The following AK9 variants were observed in gnomAD, a reference collection of about 807,000 sequenced individuals.
The protein encoded by AK9 is adenylate kinase domain containing 1.
In AK9, 191 loss-of-function variants were observed where a neutral mutation model predicts 239.6. The ratio of observed to expected loss-of-function variants is 0.80; its 90% CI spans 0.71 to 0.90. The LOEUF is 0.90. Among genes scored for constraint, AK9 ranks in the 40% least tolerant of loss-of-function variants. The pLI is 0.00. For missense variants in AK9, 1,995 were observed against 2,214.7 expected (o/e 0.90, Z 1.99); for synonymous variants, 689 against 721.0 (o/e 0.96, Z 0.71).
intron 38 of AK9, among the ~76,000 whole-genome samples, chr6:109,496,923 T>C (rs566825816): frequency 4.6e-5 from 7 of 152,194 alleles, no homozygotes; most frequent in African/African-American, 1.7e-4. Flanking sequence ...GGACACAAAC[T>C]GTGTACACAG....
At chr6:109,607,306 G>A (rs1583230711) in intron 17 of AK9, among the ~76,000 whole-genome samples, 2 of 152,282 alleles carry the variant, frequency 1.3e-5, no homozygotes, top group Middle Eastern at 6.8e-3. Flanking sequence ...ATTATAGTCA[G>A]TCTTCTGTAT....
Position 109,614,181 on chromosome 6 carries a change from A to C in AK9, c.1609+2T>G. ...CGTGGGATTAGCAGTTCACTTTGTT[A>C]CCATCTTTATCAACTTTAGCAGCTT... On this transcript the variant is annotated splice_donor_variant, in intron 15 of 40. Transcript: ENST00000424296. LOFTEE classifies it high-confidence loss of function. 6.5e-7 allele frequency: 1 copy of C among 1,549,530 alleles called. No homozygotes were observed. The highest frequency in any genetic ancestry group is 8.7e-7 in the Non-Finnish European group (1 of 1,145,150).
rs1469033432 is a variant in AK9, at chr6:109,542,143, T to G, written c.3254A>C (p.Glu1085Ala). 6.2e-7 allele frequency: 1 copy of G among 1,601,918 alleles called. No individual in the cohort carries two copies. The highest frequency in any genetic ancestry group is 1.1e-5 in the South Asian group (1 of 88,124). ...CATTAGACTTGATTTGATTACTTCT[T>G]CTTCTTCTGTAAGTTGTACTTCTGG... ...QLPEVQLTEE[E>A]EVIKSSLMEN... is the part of the protein sequence containing the mutation. The change falls in exon 27 of 41, where the codon GAA becomes GCA. Residue 1085 changes from glutamate to alanine, a missense_variant. Physicochemically the swap from Glu to Ala is moderately radical, Grantham distance 107. This residue lies in a region of AK9 where 1,290 missense variants were observed against 1,392.7 expected (regional missense o/e 0.93). Coordinates refer to ENST00000424296, the MANE Select transcript of AK9 (RefSeq NM_001145128.3).
chr6:109,646,661 C>T (rs544213260), intron 8 of AK9, among the ~76,000 whole-genome samples: 2 of 152,328 alleles, frequency 1.3e-5, no homozygotes, highest in East Asian at 3.9e-4. Context: ...TTGGAAAACA[C>T]TCTTCAGGAT....
At position 109,493,478 on chromosome 6, in the gene AK9, C is replaced by G. The variant is rs1776730756; in HGVS notation, c.5627G>C (p.Gly1876Ala). ...CTTGTATTTTCTGGTCATCTTGGCA[C>G]CCAAGTATGTTATGAGTTCACAACT... The part of the protein sequence containing the change: ...MESCELITYL[G>A]AKMTRKYKEP... The change falls in exon 41 of 41, where the codon GGT (glycine) becomes GCT (alanine). Residue 1876 changes from glycine to alanine, a missense_variant. Physicochemically the swap from Gly to Ala is moderately conservative, Grantham distance 60. Around this residue, in one of 5 missense-constraint regions of AK9, gnomAD observed 391 missense variants for 456.0 expected, o/e 0.86. Transcript: ENST00000424296. The G allele has an allele frequency of 6.2e-7, 1 of 1,614,114 alleles. No individual in the cohort carries two copies. Among genetic ancestry groups the G allele is most frequent in the South Asian group, 1.1e-5 (1 of 91,086 alleles).
intron 35 of AK9, among the ~76,000 whole-genome samples, chr6:109,505,925 T>C (rs894007562): frequency 6.6e-6 from 1 of 152,142 alleles, no homozygotes; most frequent in African/African-American, 2.4e-5. Flanking sequence ...GCAAATCTGG[T>C]ATCTGGAGAG....
chr6:109,612,210 T>A (rs1176752586), intron 15 of AK9, 117 bp from the exon 16 acceptor site: 1 of 606,422 alleles, frequency 1.6e-6, no homozygotes, highest in East Asian at 3.0e-5. Context: ...CAATTTTTAA[T>A]TAAAATAACA....
At chr6:109,529,347 G>A (rs556483815) in intron 28 of AK9, among the ~76,000 whole-genome samples, 4 of 151,990 alleles carry the variant, frequency 2.6e-5, no homozygotes, top group South Asian at 2.1e-4. Context: ...AAAATTTATC[G>A]CTCATTTGTT....
At position 109,614,284 on chromosome 6, in the gene AK9, C is replaced by G; in HGVS notation, c.1508G>C (p.Gly503Ala). The G allele has an allele frequency of 6.4e-7, 1 of 1,551,316 alleles. No homozygotes were observed. The highest frequency in any genetic ancestry group is 1.2e-5 in the South Asian group (1 of 84,048). The change falls in exon 15 of 41, where the codon GGC (glycine) becomes GCC (alanine). Residue 503 changes from glycine (G) to alanine (A), a missense_variant. Coordinates refer to ENST00000424296, the MANE Select transcript of AK9 (RefSeq NM_001145128.3). ...AGAGCTGCCTCTGTCCCTTTGGGAGCCTTGAATGTACCCTGCAATGAAAGA... is the reference window on the plus strand; with the variant it reads ...AGAGCTGCCTCTGTCCCTTTGGGAGGCTTGAATGTACCCTGCAATGAAAGA... The part of the protein sequence containing the change: ...SSIDEEGYIQ[G>A]SQRDRGSSLV...
intron 10 of AK9, 58 bp downstream of exon 10, chr6:109,641,460 C>T (rs1583382032): frequency 7.1e-7 from 1 of 1,405,152 alleles, no homozygotes. Flanking sequence ...TGAGCCACTG[C>T]ACCCTGCCCA....
chr6:109,580,099 G>A (rs1409531993), intron 19 of AK9, among the ~76,000 whole-genome samples: 1 of 151,948 alleles, frequency 6.6e-6, no homozygotes, highest in African/African-American at 2.4e-5. Context: ...GCATATAAGT[G>A]TTTTAAGTTT....
intron 1 of AK9, among the ~76,000 whole-genome samples, chr6:109,678,142 C>CA (rs1772033560): frequency 6.6e-6 from 1 of 152,102 alleles, no homozygotes; most frequent in African/African-American, 2.4e-5. Context: ...TCAAAATAGT[C>CA]AAAAGCTGAA....
In AK9 at chr6:109,615,966, C is replaced by T. The variant is rs1214872424; in HGVS notation, c.1400-1486G>A. ...ATAAGAATAATGAAACTAGGCACAG[C>T]GGCTCATGCCTGTAATCGCAGCACT... is the stretch of plus-strand genomic sequence containing the variant. On this transcript the variant is annotated intron_variant, in intron 13 of 40. Coordinates refer to ENST00000424296, the MANE Select transcript of AK9 (RefSeq NM_001145128.3). 5.3e-5 allele frequency among the ~76,000 whole-genome samples: 8 copies of T among 151,784 alleles called. No individual in the cohort carries two copies. In the South Asian group the frequency reaches 6.2e-4, roughly 12 times the overall value.
At chr6:109,608,153 C>T (rs1247344916) in intron 17 of AK9, among the ~76,000 whole-genome samples, 3 of 151,928 alleles carry the variant, frequency 2.0e-5, no homozygotes, top group African/African-American at 7.3e-5. Flanking sequence ...GTGGCATACA[C>T]CTGCAGTCCC....
chr6:109,620,513 G>C (rs1346719345), intron 12 of AK9, among the ~76,000 whole-genome samples: 1 of 151,956 alleles, frequency 6.6e-6, no homozygotes, highest in African/African-American at 2.4e-5. Context: ...GATATAACTT[G>C]TCAGGTAGAT....
intron 27 of AK9, among the ~76,000 whole-genome samples, chr6:109,538,143 C>G (rs1582900015): frequency 6.6e-6 from 1 of 151,370 alleles, no homozygotes; most frequent in African/African-American, 2.4e-5. Context: ...GAGCTGAGTT[C>G]AATTCCTGGA....
At chr6:109,571,419 T>C (rs1328889611) in intron 21 of AK9, among the ~76,000 whole-genome samples, 2 of 152,170 alleles carry the variant, frequency 1.3e-5, no homozygotes, top group Non-Finnish European at 2.9e-5. Context: ...TGTAGGACTT[T>C]AAAAATGTCC....
intron 17 of AK9, among the ~76,000 whole-genome samples, chr6:109,603,285 C>G (rs1583213065): frequency 6.6e-6 from 1 of 152,176 alleles, no homozygotes; most frequent in Non-Finnish European, 1.5e-5. Context: ...AGTTTTCCTT[C>G]TAACAGTCAG....
chr6:109,546,586 A>T (rs190908863), intron 25 of AK9, among the ~76,000 whole-genome samples: 2 of 152,354 alleles, frequency 1.3e-5, no homozygotes, highest in Admixed American at 1.3e-4. Flanking sequence ...GTCAAGAACA[A>T]TGGTGAGTAC....
Sources: allele counts gnomAD v4.1 joint callset (sites outside exome capture counted in the v4.1 genomes callset), GRCh38; gene constraint gnomAD v4.1.1; regional missense constraint gnomAD v4.1.1; transcripts MANE v1.5; gene names NCBI Gene and HGNC (gene_info 2026-07-23, HGNC 2026-07-21).